The following ZDHHC14 variants were observed in gnomAD, a reference collection of about 807,000 sequenced individuals.
ZDHHC14 encodes palmitoyltransferase ZDHHC14.
Under a neutral mutation model 47.7 loss-of-function variants are expected in ZDHHC14, and 16 were observed. The observed-to-expected ratio is 0.34, with a 90% CI of 0.23 to 0.51. The LOEUF (loss-of-function observed/expected upper bound fraction) is 0.51. Ranked by LOEUF, ZDHHC14 falls within the 20% of genes least tolerant of loss-of-function variation. ZDHHC14 has a pLI of 0.97. For missense variants in ZDHHC14, 515 were observed against 662.5 expected (o/e 0.78, Z 2.44); for synonymous variants, 293 against 278.9 (o/e 1.05, Z -0.50).
intron 2 of ZDHHC14, among the ~76,000 whole-genome samples, chr6:157,574,977 G>A (rs1783252173): frequency 6.6e-6 from 1 of 152,234 alleles, no homozygotes; most frequent in Non-Finnish European, 1.5e-5. Flanking sequence ...GGGGGGCAGG[G>A]AAGAGGCGGG....
intron 8 of ZDHHC14, among the ~76,000 whole-genome samples, chr6:157,663,658 G>C (rs1201927018): frequency 6.6e-6 from 1 of 152,178 alleles, no homozygotes; most frequent in Non-Finnish European, 1.5e-5. Flanking sequence ...TGTGGTTTAG[G>C]GACCGTGCTC....
chr6:157,433,056 G>C (rs191674406), intron 1 of ZDHHC14, among the ~76,000 whole-genome samples: 1 of 152,252 alleles, frequency 6.6e-6, no homozygotes. Flanking sequence ...GCCCAAGAGC[G>C]GTGTGCCTGT....
chr6:157,563,041 T>C (rs946460736), intron 2 of ZDHHC14, among the ~76,000 whole-genome samples: 3 of 152,142 alleles, frequency 2.0e-5, no homozygotes, highest in Non-Finnish European at 4.4e-5. Flanking sequence ...GTAGGGTTCA[T>C]GGTCTTCCTG....
In ZDHHC14 at chr6:157,639,450, G is replaced by A. The variant is rs141773309; in HGVS notation, c.753-6287G>A. Among the ~76,000 whole-genome samples, 528 of 152,194 alleles carry A rather than the reference G, an allele frequency of 3.5e-3. 9 individuals are homozygous for A. The highest frequency in any genetic ancestry group is 0.012 in the African/African-American group (500 of 41,506). On this transcript the variant is annotated intron_variant, in intron 5 of 8. Coordinates refer to ENST00000359775, the MANE Select transcript of ZDHHC14 (RefSeq NM_024630.3). ...CTCCCAAGTAACTGGGATTACAGGC[G>A]CTCGCCACCAAGCCCGGCTAATTTT...
rs757759394 is a variant in ZDHHC14, at chr6:157,647,246, C to G, written c.856-13C>G. On this transcript the variant is annotated splice_polypyrimidine_tract_variant and intron_variant, in intron 6 of 8. Coordinates refer to ENST00000359775, the MANE Select transcript of ZDHHC14 (RefSeq NM_024630.3). ...GAAGATATTGCTTGTTACTGACTTT[C>G]CTTTTCTTTCAGATTAAAGGATCCT... 1.2e-6 allele frequency: 2 copies of G among 1,600,278 alleles called. No homozygotes were observed. Among genetic ancestry groups the G allele is most frequent in the South Asian group, 2.2e-5 (2 of 90,640 alleles).
At chr6:157,650,181 G>A (rs748739189) in intron 7 of ZDHHC14, among the ~76,000 whole-genome samples, 5 of 152,374 alleles carry the variant, frequency 3.3e-5, no homozygotes, top group South Asian at 2.1e-4. Context: ...AGTGAGGTGC[G>A]TGGGCCGCCC....
At chr6:157,593,935 G>C (rs1001889201) in intron 3 of ZDHHC14, among the ~76,000 whole-genome samples, 4 of 152,236 alleles carry the variant, frequency 2.6e-5, no homozygotes, top group Admixed American at 2.6e-4. Flanking sequence ...GAAGCAAGGA[G>C]AGGACAAAAG....
chr6:157,572,302 G>A (rs956259677), intron 2 of ZDHHC14, among the ~76,000 whole-genome samples: 1 of 152,096 alleles, frequency 6.6e-6, no homozygotes, highest in African/African-American at 2.4e-5. Context: ...GATGGTTTCA[G>A]ATTTCCCCCG....
At chr6:157,516,805 C>T (rs915823237) in intron 1 of ZDHHC14, among the ~76,000 whole-genome samples, 8 of 152,306 alleles carry the variant, frequency 5.3e-5, no homozygotes, top group Non-Finnish European at 8.8e-5. Flanking sequence ...CATACTGCAA[C>T]GCATTAAGTT....
chr6:157,481,855 T>C lies in ZDHHC14; in HGVS notation c.246-60730T>C, dbSNP rs1583689862. 2.6e-5 allele frequency among the ~76,000 whole-genome samples: 4 copies of C among 152,304 alleles called. No individual in the cohort carries two copies. The East Asian group carries it at 7.7e-4, about 29-fold the overall frequency. ...CTGTCTACCTACCTACCTACCTACA[T>C]ATTATCCATCTATCTTACTTCTCTT... On this transcript the variant is annotated intron_variant, in intron 1 of 8. Coordinates refer to ENST00000359775, the MANE Select transcript of ZDHHC14 (RefSeq NM_024630.3).
chr6:157,545,399 G>A (rs1280053189), intron 2 of ZDHHC14, among the ~76,000 whole-genome samples: 13 of 151,990 alleles, frequency 8.6e-5, no homozygotes, highest in African/African-American at 1.2e-4. Flanking sequence ...GGAGGAGGCC[G>A]GGCGCAGTGG....
chr6:157,414,089 GC>G (rs1483750285), intron 1 of ZDHHC14, among the ~76,000 whole-genome samples: 3 of 152,026 alleles, frequency 2.0e-5, no homozygotes, highest in Non-Finnish European at 2.9e-5. Flanking sequence ...GGCATACCAT[GC>G]CCAACAAATT....
chr6:157,475,636 T>A (rs372825551), intron 1 of ZDHHC14, among the ~76,000 whole-genome samples: 1 of 152,172 alleles, frequency 6.6e-6, no homozygotes, highest in Non-Finnish European at 1.5e-5. Flanking sequence ...GTGAATGAGA[T>A]AGTTTTCTTG....
chr6:157,568,103 C>G (rs1043836802), intron 2 of ZDHHC14, among the ~76,000 whole-genome samples: 11 of 152,170 alleles, frequency 7.2e-5, no homozygotes. Flanking sequence ...AAACTATGAA[C>G]TTGCATTTTT....
At chr6:157,555,421 A>AT (rs1355868205) in intron 2 of ZDHHC14, among the ~76,000 whole-genome samples, 1 of 151,894 alleles carries the variant, frequency 6.6e-6, no homozygotes, top group Non-Finnish European at 1.5e-5. Context: ...AGAATTCCCC[A>AT]TTTTTTCTCT....
intron 1 of ZDHHC14, among the ~76,000 whole-genome samples, chr6:157,416,988 T>TTG (rs1205273074): frequency 1.5e-5 from 2 of 135,496 alleles, no homozygotes; most frequent in Admixed American, 7.6e-5. Context: ...TTTTTTTTTT[T>TTG]TTTTTTTTTT....
chr6:157,674,878 T>C lies in ZDHHC14; in HGVS notation c.*1756T>C, dbSNP rs1778944717. On this transcript the variant is annotated 3_prime_UTR_variant, in exon 9 of 9. Coordinates refer to ENST00000359775, the MANE Select transcript of ZDHHC14 (RefSeq NM_024630.3). ...ATGCACGTATAGAAAATGGAATAGG[T>C]CCATTCTATGTAGCCATTTTTGATT... 6.6e-6 allele frequency: 1 copy of C among 152,174 alleles called. No individual in the cohort carries two copies. Among genetic ancestry groups the C allele is most frequent in the Non-Finnish European group, 1.5e-5 (1 of 68,040 alleles). The allele number at this position is 152,174 out of a possible 1,614,324, so 9.4% of individuals were successfully genotyped here.
chr6:157,440,150 T>C (rs1778533488), intron 1 of ZDHHC14, among the ~76,000 whole-genome samples: 1 of 147,150 alleles, frequency 6.8e-6, no homozygotes, highest in Non-Finnish European at 1.5e-5. Context: ...CCTGCACAGG[T>C]ACCCTGGAAC....
chr6:157,535,173 C>G (rs911227678), intron 1 of ZDHHC14, among the ~76,000 whole-genome samples: 1 of 152,142 alleles, frequency 6.6e-6, no homozygotes, highest in East Asian at 1.9e-4. Flanking sequence ...CTCTCCTTGT[C>G]TCCCCTCCTC....
Sources: gnomAD v4.1 joint callset for allele counts (sites outside exome capture counted in the v4.1 genomes callset) on GRCh38, gnomAD v4.1.1 for gene constraint, MANE v1.5 for transcripts, NCBI Gene and HGNC (gene_info 2026-07-23, HGNC 2026-07-21) for gene names.